Variants in RPTOR observed in about 807,000 individuals in gnomAD.
RPTOR encodes regulatory-associated protein of mTOR.
RPTOR carries 21 observed loss-of-function variants against 169.9 expected under a neutral mutation model. That is an observed-to-expected ratio of 0.12 (90% CI 0.09 to 0.18). The LOEUF (loss-of-function observed/expected upper bound fraction) is 0.18, where lower values mean the gene tolerates loss of function less well. RPTOR is among the 10% of genes least tolerant of loss of function. The probability of loss-of-function intolerance (pLI) is 1.00; values close to 1 mark genes in which losing one functional copy is unlikely to be tolerated. For synonymous variants in RPTOR, 732 were observed against 753.2 expected (o/e 0.97, Z 0.46); for missense variants, 1,133 against 1,855.9 (o/e 0.61, Z 7.16).
chr17:80,595,929 G>A (rs1382043620), intron 1 of RPTOR, among the ~76,000 whole-genome samples: 1 of 152,130 alleles, frequency 6.6e-6, no homozygotes, highest in East Asian at 1.9e-4. Context: ...GATATCCCTG[G>A]GGACTTTACT....
intron 1 of RPTOR, among the ~76,000 whole-genome samples, chr17:80,610,686 G>A (rs1291473993): frequency 1.3e-5 from 2 of 152,120 alleles, no homozygotes; most frequent in African/African-American, 4.8e-5. Flanking sequence ...TGATCTCCAC[G>A]ACAGTAGACC....
intron 5 of RPTOR, among the ~76,000 whole-genome samples, chr17:80,745,038 C>G (rs892132563): frequency 4.6e-5 from 7 of 151,916 alleles, no homozygotes; most frequent in African/African-American, 1.2e-4. Context: ...CTGCTAGAGA[C>G]TGCCCAAAGA....
At chr17:80,741,668 A>G (rs1025507904) in intron 5 of RPTOR, among the ~76,000 whole-genome samples, 2 of 152,212 alleles carry the variant, frequency 1.3e-5, no homozygotes, top group Non-Finnish European at 2.9e-5. Context: ...GTGACAGGGC[A>G]TACAGCAGCA....
intron 5 of RPTOR, among the ~76,000 whole-genome samples, chr17:80,744,124 C>CTCTCCTGGTTACTAGCAG (rs2066530864): frequency 2.8e-5 from 1 of 36,122 alleles, no homozygotes; most frequent in African/African-American, 1.3e-4. Flanking sequence ...GTTACTAGCA[C>CTCTCCTGGTTACTAGCAG]AGCCCTGGCT....
intron 3 of RPTOR, among the ~76,000 whole-genome samples, chr17:80,700,675 G>T (rs201013779): frequency 0.041 from 5,328 of 130,246 alleles, 111 homozygotes; most frequent in Non-Finnish European, 0.062. Context: ...TGATGGTGAT[G>T]ATGGAGGTGG....
chr17:80,696,123 T>C (rs1434960302), intron 3 of RPTOR, among the ~76,000 whole-genome samples: 1 of 152,162 alleles, frequency 6.6e-6, no homozygotes, highest in East Asian at 1.9e-4. Context: ...AGGCTTCCTC[T>C]CCCTTTTAAA....
rs17848673 is a variant in RPTOR, at chr17:80,962,839, C to T, written c.3810-89C>T. On this transcript the variant is annotated intron_variant, in intron 32 of 33. Transcript: ENST00000306801. ...AGCCAGCCTGTCCCCGTGGTCTAGC[C>T]GGCCTGTCCCCGCGGTCTCGGCATC... 3.9e-5 allele frequency: 61 copies of T among 1,575,402 alleles called. No homozygotes were observed. In the East Asian group the frequency reaches 1.2e-3, roughly 32 times the overall value.
rs74330842 is a variant in RPTOR at position 80,577,417 on chromosome 17, A to G, written c.162+31626A>G. 3.7e-3 allele frequency among the ~76,000 whole-genome samples: 566 copies of G among 152,176 alleles called. 4 individuals are homozygous for G. Among genetic ancestry groups the G allele is most frequent in the African/African-American group, 0.013 (537 of 41,498 alleles). On this transcript the variant is annotated intron_variant, in intron 1 of 33. Transcript: ENST00000306801. ...TAGACTTTGAGGACAGCTGGGACCT[A>G]CAGGTGCATGCCACCACACCTGGCA...
At chr17:80,547,071 A>C (rs1485229978) in intron 1 of RPTOR, among the ~76,000 whole-genome samples, 1 of 152,188 alleles carries the variant, frequency 6.6e-6, no homozygotes, top group Non-Finnish European at 1.5e-5. Flanking sequence ...TGTGTCTCAA[A>C]AATAAATAAA....
At chr17:80,881,213 C>T (rs1012568449) in intron 14 of RPTOR, among the ~76,000 whole-genome samples, 7 of 142,714 alleles carry the variant, frequency 4.9e-5, no homozygotes, top group Non-Finnish European at 1.1e-4. Flanking sequence ...TAATTTCACC[C>T]CCTAGTTGGT....
chr17:80,676,772 G>A (rs935450976), intron 3 of RPTOR, among the ~76,000 whole-genome samples: 15 of 152,234 alleles, frequency 9.9e-5, no homozygotes, highest in African/African-American at 3.6e-4. Flanking sequence ...AGGCCTCAGT[G>A]GCCTCAGGCT....
At chr17:80,963,842 C>G (rs900624080) in intron 33 of RPTOR, among the ~76,000 whole-genome samples, 23 of 152,198 alleles carry the variant, frequency 1.5e-4, no homozygotes, top group Middle Eastern at 3.4e-3. Flanking sequence ...CACCCTGTCC[C>G]CTGTGCGGCC....
Position 80,947,389 on chromosome 17 carries a change from G to T in RPTOR, c.3265+38G>T, listed in dbSNP as rs767518186. On this transcript the variant is annotated intron_variant, in intron 27 of 33. Transcript: ENST00000306801. This position sits in a 1 kb window ranked among gnomAD's most constrained non-coding sequence, Gnocchi z 4.4. ...TGCACAGCCAGGATTGGAAGCCAGG[G>T]TCTGGAGGAGTGGCGGGGAGGGTGT... is the stretch of plus-strand genomic sequence containing the variant. 6.6e-6 allele frequency: 10 copies of T among 1,506,380 alleles called. No homozygotes were observed. The highest frequency in any genetic ancestry group is 8.0e-6 in the Non-Finnish European group (9 of 1,128,124). 93.3% of individuals were successfully genotyped at this position (1,506,380 alleles called of 1,614,324 possible).
intron 4 of RPTOR, among the ~76,000 whole-genome samples, chr17:80,719,037 C>A (rs1057018942): frequency 6.6e-6 from 1 of 152,124 alleles, no homozygotes; most frequent in Non-Finnish European, 1.5e-5. Context: ...TGTGACCAGG[C>A]ACCAGAAGCG....
intron 1 of RPTOR, among the ~76,000 whole-genome samples, chr17:80,621,453 C>T (rs1047345240): frequency 8.5e-5 from 13 of 152,204 alleles, no homozygotes; most frequent in East Asian, 3.8e-4. Context: ...TTGGGAATGC[C>T]GTATCACCGC....
intron 3 of RPTOR, among the ~76,000 whole-genome samples, chr17:80,660,723 A>G (rs1460063446): frequency 6.6e-6 from 1 of 151,996 alleles, no homozygotes; most frequent in Non-Finnish European, 1.5e-5. Context: ...GCCCTAAGTG[A>G]CCCCTGCTGG....
intron 1 of RPTOR, among the ~76,000 whole-genome samples, chr17:80,574,138 T>C (rs952988080): frequency 1.2e-4 from 18 of 151,554 alleles, no homozygotes; most frequent in African/African-American, 4.1e-4. Flanking sequence ...GCTTTTAAGA[T>C]GGTTTTTTTT....
At chr17:80,759,419 T>A (rs7217606) in intron 6 of RPTOR, among the ~76,000 whole-genome samples, 26,899 of 152,018 alleles carry the variant, frequency 0.18, 2,829 homozygotes, top group East Asian at 0.24. Flanking sequence ...ACAGTTACCA[T>A]AAGAGGGACT....
chr17:80,650,035 A>G (rs1030865160), intron 3 of RPTOR, among the ~76,000 whole-genome samples: 1 of 152,246 alleles, frequency 6.6e-6, no homozygotes, highest in African/African-American at 2.4e-5. Context: ...ACCTACTGCT[A>G]TCCCTCCGAA....
Sources: gnomAD v4.1 joint callset for allele counts (sites outside exome capture counted in the v4.1 genomes callset) on GRCh38, gnomAD v4.1.1 for gene constraint, Gnocchi (gnomAD v3.1) non-coding constraint, MANE v1.5 for transcripts, NCBI Gene and HGNC (gene_info 2026-07-23, HGNC 2026-07-21) for gene names.